RGS3: variants seen among roughly 807,000 people sequenced by gnomAD.
RGS3 encodes the protein regulator of G-protein signalling 3.
A neutral mutation model predicts 132.6 loss-of-function variants in RGS3; 80 were observed. The observed-to-expected ratio is 0.60, with a 90% CI of 0.50 to 0.73. The LOEUF (loss-of-function observed/expected upper bound fraction) is 0.73. Among genes scored for constraint, RGS3 ranks in the 30% least tolerant of loss-of-function variants. The pLI is 0.00. For synonymous variants in RGS3, 598 were observed against 620.6 expected (o/e 0.96, Z 0.54); for missense variants, 1,382 against 1,530.8 (o/e 0.90, Z 1.62).
chr9:113,569,621 C>A (rs577914646), intron 19 of RGS3, among the ~76,000 whole-genome samples: 1 of 150,994 alleles, frequency 6.6e-6, no homozygotes, highest in Non-Finnish European at 1.5e-5. Context: ...TTCCTTCCTT[C>A]CTTCCTTCCT....
At chr9:113,543,028 G>C (rs914047136) in intron 19 of RGS3, among the ~76,000 whole-genome samples, 5 of 152,224 alleles carry the variant, frequency 3.3e-5, no homozygotes, top group African/African-American at 1.2e-4. Context: ...TGGAGCCCAG[G>C]GTTGGGCAGC....
upstream of RGS3, among the ~76,000 whole-genome samples, chr9:113,459,603 A>T (rs1829427008): frequency 6.6e-6 from 1 of 152,112 alleles, no homozygotes; most frequent in Non-Finnish European, 1.5e-5. Context: ...TACAAAAATT[A>T]GCTAGGTGTG....
chr9:113,564,169 G>A (rs1285603953), intron 19 of RGS3, among the ~76,000 whole-genome samples: 5 of 152,194 alleles, frequency 3.3e-5, no homozygotes, highest in Admixed American at 6.5e-5. Flanking sequence ...GGTTAAGAGC[G>A]GGCATGGTGA....
At chr9:113,567,948 T>G (rs556891036) in intron 19 of RGS3, among the ~76,000 whole-genome samples, 13 of 152,372 alleles carry the variant, frequency 8.5e-5, no homozygotes, top group African/African-American at 2.6e-4. Context: ...CCTGGGGGCC[T>G]TGAGAGCTGC....
chr9:113,444,971 G>A (rs1394892657), intron 1 of RGS3: 2 of 152,182 alleles, frequency 1.3e-5, no homozygotes, highest in African/African-American at 4.8e-5. Flanking sequence ...TGGGCCTAAG[G>A]AAGCAGAAGT....
intron 19 of RGS3, among the ~76,000 whole-genome samples, chr9:113,571,016 C>A (rs1269280845): frequency 2.6e-5 from 4 of 152,222 alleles, no homozygotes; most frequent in Admixed American, 1.3e-4. Context: ...CATATTATTT[C>A]ATGCTGACTT....
chr9:113,562,276 G>C (rs754968048), intron 19 of RGS3, among the ~76,000 whole-genome samples: 1 of 152,148 alleles, frequency 6.6e-6, no homozygotes, highest in Non-Finnish European at 1.5e-5. Flanking sequence ...AGGAGTTCAA[G>C]ATCAGCCTGG....
rs1177024651 is a variant in RGS3, at chr9:113,463,659, G to C, written c.415+1458G>C. 4 of 1,385,688 alleles carry C rather than the reference G, an allele frequency of 2.9e-6. No individual in the cohort carries two copies. In the African/African-American group the frequency reaches 6.0e-5, roughly 21 times the overall value. 85.8% of individuals were successfully genotyped at this position (1,385,688 alleles called of 1,614,324 possible). On this transcript the variant is annotated intron_variant, in intron 3 of 24. Transcript: ENST00000350696. The surrounding 1 kb of genome is among the most constrained non-coding windows in gnomAD (Gnocchi z 4.6). Reference sequence around the variant, plus strand: ...TTCAAACCCGCGCGGGCCAATCAGGGCCGGGCGCGCCCTGGCCGTTCCAAC... The same window carrying C: ...TTCAAACCCGCGCGGGCCAATCAGGCCCGGGCGCGCCCTGGCCGTTCCAAC...
At chr9:113,569,336 C>T (rs1834158064) in intron 19 of RGS3, among the ~76,000 whole-genome samples, 1 of 152,132 alleles carries the variant, frequency 6.6e-6, no homozygotes, top group Non-Finnish European at 1.5e-5. Context: ...CTTGGCAGTG[C>T]CTCTGGGGAC....
chr9:113,488,055 A>G (rs1830393121), intron 7 of RGS3, among the ~76,000 whole-genome samples: 1 of 152,124 alleles, frequency 6.6e-6, no homozygotes, highest in Non-Finnish European at 1.5e-5. Context: ...CACATTCTAG[A>G]TCTATCACTT....
intron 19 of RGS3, among the ~76,000 whole-genome samples, chr9:113,557,807 A>T (rs1282953972): frequency 2.0e-5 from 3 of 150,442 alleles, no homozygotes; most frequent in Non-Finnish European, 1.5e-5. Flanking sequence ...GGATGTAAGG[A>T]TTGTTCTAGG....
At chr9:113,571,996 G>A (rs752914657) in intron 19 of RGS3, among the ~76,000 whole-genome samples, 7 of 152,148 alleles carry the variant, frequency 4.6e-5, no homozygotes, top group Non-Finnish European at 1.0e-4. Flanking sequence ...GGGGCAATAC[G>A]TGGGTGGGTC....
intron 19 of RGS3, among the ~76,000 whole-genome samples, chr9:113,540,022 G>C (rs1036270075): frequency 6.6e-6 from 1 of 151,932 alleles, no homozygotes; most frequent in Admixed American, 6.6e-5. Flanking sequence ...AGGGCCGGGG[G>C]CCATCTAGTA....
chr9:113,447,329 G>GTATATATATATATATATATATATATA lies in RGS3; in HGVS notation c.-13+2409_-13+2434dup, dbSNP rs60991619. ...CCAATAAATTCTGATGTATGTATAT[G>GTATATATATATATATATATATATATA]TATATATATATATATATATATATAT... On this transcript the variant is annotated intron_variant, in intron 1 of 25. Transcript: ENST00000374140. Among the ~76,000 whole-genome samples, 168 of 27,486 alleles carry GTATATATATATATATATATATATATA rather than the reference G, an allele frequency of 6.1e-3. 34 individuals carry two copies. Among genetic ancestry groups the GTATATATATATATATATATATATATA allele is most frequent in the East Asian group, 0.027 (7 of 262 alleles). The allele number at this position is 27,486 out of a possible 152,430, so 18.0% of individuals were successfully genotyped here. A position where few individuals can be genotyped will look rare whatever the true frequency, so the allele number is the denominator to read the frequency against.
exon 25 of RGS3, chr9:113,596,816 A>G: frequency 6.2e-7 from 1 of 1,613,548 alleles, no homozygotes; most frequent in South Asian, 1.1e-5. Context: ...CAACCTGCAG[A>G]GCGTCACGCG....
rs113880035 is a variant in RGS3, at chr9:113,526,769, C to A, written c.1871-2452C>A. Among the ~76,000 whole-genome samples the A allele has an allele frequency of 5.0e-3, 759 of 152,286 alleles. 4 individuals are homozygous for A. Among genetic ancestry groups the A allele is most frequent in the African/African-American group, 0.017 (725 of 41,548 alleles). ...TCCTGCATGGTCCATGTATTCCTTG[C>A]GGGAAGCGAGGTCCACTCTGGAACC... On this transcript the variant is annotated intron_variant, in intron 17 of 24. Transcript: ENST00000350696.
intron 7 of RGS3, among the ~76,000 whole-genome samples, chr9:113,492,487 T>C (rs1830551496): frequency 6.6e-6 from 1 of 152,230 alleles, no homozygotes; most frequent in Admixed American, 6.5e-5. Context: ...ATGTTTGTGT[T>C]GTTTCCTTAA....
rs1834076701 is a variant in RGS3 at position 113,567,750 on chromosome 9, G to T, written c.2038-15700G>T. Reference sequence around the variant, plus strand: ...ATGGAGGGTGGAGGGGATAGCCCTGGCTTGTTGAAATGCAATGCTGAAGGA... The same window carrying T: ...ATGGAGGGTGGAGGGGATAGCCCTGTCTTGTTGAAATGCAATGCTGAAGGA... On this transcript the variant is annotated intron_variant, in intron 19 of 24. Transcript: ENST00000350696. 2.0e-5 allele frequency among the ~76,000 whole-genome samples: 3 copies of T among 152,230 alleles called. No homozygotes were observed. The South Asian group carries it at 6.2e-4, about 32-fold the overall frequency.
rs1280406026 is a variant in RGS3, at chr9:113,565,905, GTGTGTGTGTGTC to G, written c.2038-17541_2038-17530del. ...TGTGTGTGTGTGTGTGTGTGTGTGT[GTGTGTGTGTGTC>G]TGTCTGTCTGTCTGTCTCAGGGGCT... On this transcript the variant is annotated intron_variant, in intron 19 of 24. Transcript: ENST00000350696. The surrounding 1 kb of genome is among the most constrained non-coding windows in gnomAD (Gnocchi z 5.7). Among the ~76,000 whole-genome samples the G allele has an allele frequency of 2.4e-4, 35 of 148,846 alleles. No individual in the cohort carries two copies. The highest frequency in any genetic ancestry group is 6.9e-3 in the Middle Eastern group (2 of 290).
Sources: allele counts gnomAD v4.1 joint callset (sites outside exome capture counted in the v4.1 genomes callset), GRCh38; gene constraint gnomAD v4.1.1; non-coding constraint Gnocchi (gnomAD v3.1); transcripts MANE v1.5; gene names NCBI Gene and HGNC (gene_info 2026-07-23, HGNC 2026-07-21).